The following ROBO2 variants were observed in gnomAD, a reference collection of about 807,000 sequenced individuals.
ROBO2 encodes the protein roundabout guidance receptor 2.
Under a neutral mutation model 160.8 loss-of-function variants are expected in ROBO2, and 53 were observed. The ratio of observed to expected loss-of-function variants is 0.33; its 90% CI spans 0.26 to 0.41. ROBO2 has a LOEUF of 0.41. ROBO2 is among the 10% of genes least tolerant of loss of function. ROBO2 has a pLI of 1.00. For missense variants in ROBO2, 1,577 were observed against 1,722.4 expected (o/e 0.92, Z 1.49); for synonymous variants, 664 against 611.7 (o/e 1.09, Z -1.26).
intron 2 of ROBO2, among the ~76,000 whole-genome samples, chr3:77,383,050 T>G (rs1019507569): frequency 6.6e-6 from 1 of 152,214 alleles, no homozygotes; most frequent in Non-Finnish European, 1.5e-5. Context: ...CTAGGAAGCA[T>G]AAAATAGAAA....
intron 2 of ROBO2, among the ~76,000 whole-genome samples, chr3:76,442,850 A>G (rs2076988311): frequency 6.6e-6 from 1 of 152,184 alleles, no homozygotes; most frequent in Non-Finnish European, 1.5e-5. Flanking sequence ...TTTACTAATA[A>G]TAACTGAATT....
In ROBO2 at chr3:77,011,042, T is replaced by TTGTC. The variant is rs1553726560; in HGVS notation, c.110-86971_110-86970insGTCT. Among the ~76,000 whole-genome samples, 652 of 106,950 alleles carry TTGTC rather than the reference T, an allele frequency of 6.1e-3. 10 individuals carry two copies. The highest frequency in any genetic ancestry group is 0.02 in the African/African-American group (585 of 29,190). The allele number at this position is 106,950 out of a possible 152,430, so 70.2% of individuals were successfully genotyped here. A position where few individuals can be genotyped will look rare whatever the true frequency, so the allele number is the denominator to read the frequency against. ...TTCTTTCTGTCGGTTCTTTCTTTTCTTTTCTTTCTTTCTTCTTTCTTTCTT... is the reference window on the plus strand; with the variant it reads ...TTCTTTCTGTCGGTTCTTTCTTTTCTTGTCTTTCTTTCTTTCTTCTTTCTTTCTT... On this transcript the variant is annotated intron_variant, in intron 2 of 26. Coordinates refer to the ROBO2 transcript ENST00000487694.
At chr3:76,605,911 G>A (rs1460737681) in intron 2 of ROBO2, among the ~76,000 whole-genome samples, 1 of 152,136 alleles carries the variant, frequency 6.6e-6, no homozygotes, top group East Asian at 1.9e-4. Flanking sequence ...CAGTAGAATG[G>A]AGGTTTTGTG....
At chr3:76,267,576 G>T (rs1475999341) in intron 2 of ROBO2, among the ~76,000 whole-genome samples, 1 of 151,988 alleles carries the variant, frequency 6.6e-6, no homozygotes, top group Non-Finnish European at 1.5e-5. Flanking sequence ...TTAATCACCT[G>T]TGTCATATTT....
At chr3:76,841,100 G>GA (rs984638975) in intron 2 of ROBO2, among the ~76,000 whole-genome samples, 16 of 152,040 alleles carry the variant, frequency 1.1e-4, no homozygotes, top group South Asian at 2.1e-4. Context: ...GTGTGGCTAA[G>GA]AAAAAAGGTC....
intron 1 of ROBO2, among the ~76,000 whole-genome samples, chr3:75,918,065 T>A (rs1490815956): frequency 6.6e-6 from 1 of 152,232 alleles, no homozygotes; most frequent in Non-Finnish European, 1.5e-5. Context: ...ATTTTGGCTG[T>A]TGTTTCCAGT....
chr3:76,770,661 T>C (rs960109728), intron 2 of ROBO2, among the ~76,000 whole-genome samples: 14 of 151,248 alleles, frequency 9.3e-5, no homozygotes, highest in Middle Eastern at 3.4e-3. Context: ...ACAAAGAATG[T>C]AAAGGAGAAA....
intron 2 of ROBO2, among the ~76,000 whole-genome samples, chr3:76,017,960 C>T (rs1323395600): frequency 1.3e-5 from 2 of 151,940 alleles, no homozygotes; most frequent in Non-Finnish European, 2.9e-5. Flanking sequence ...CTGATTAATG[C>T]CATTTAAATA....
chr3:76,318,820 T>A (rs1202725738), intron 2 of ROBO2, among the ~76,000 whole-genome samples: 1 of 152,124 alleles, frequency 6.6e-6, no homozygotes, highest in African/African-American at 2.4e-5. Context: ...TTAGTTATTT[T>A]CACAGGTTTT....
At chr3:77,540,577 G>C (rs551398640) in intron 6 of ROBO2, among the ~76,000 whole-genome samples, 1 of 152,106 alleles carries the variant, frequency 6.6e-6, no homozygotes, top group South Asian at 2.1e-4. Flanking sequence ...GGGGGCAGTG[G>C]GGGCGCGCAG....
intron 2 of ROBO2, among the ~76,000 whole-genome samples, chr3:76,534,012 T>C (rs889340507): frequency 1.3e-5 from 2 of 152,190 alleles, no homozygotes; most frequent in African/African-American, 4.8e-5. Flanking sequence ...ACAGGGGTTA[T>C]AATGGCTGAG....
At chr3:76,033,251 A>G (rs889465871) in intron 2 of ROBO2, among the ~76,000 whole-genome samples, 1 of 152,092 alleles carries the variant, frequency 6.6e-6, no homozygotes. Flanking sequence ...CTTTCTTTAG[A>G]CAATATTACC....
At chr3:77,022,359 G>C (rs1240307312) in intron 2 of ROBO2, among the ~76,000 whole-genome samples, 1 of 152,162 alleles carries the variant, frequency 6.6e-6, no homozygotes, top group Admixed American at 6.5e-5. Flanking sequence ...GACAGAGTGA[G>C]CCTGTGTCTC....
rs577584634 is a variant in ROBO2 at position 76,838,481 on chromosome 3, T to C, written c.110-259533T>C. The stretch of plus-strand genomic sequence containing the variant: ...TTTCAAATTACAAACAAGTCTCGCA[T>C]TGAGGTAGTGTGAAAAGGAAAGGTT... On this transcript the variant is annotated intron_variant, in intron 2 of 26. Coordinates refer to the ROBO2 transcript ENST00000487694. Among the ~76,000 whole-genome samples, 6 of 152,210 alleles carry C rather than the reference T, an allele frequency of 3.9e-5. No homozygotes were observed. In the East Asian group the frequency reaches 9.7e-4, roughly 25 times the overall value.
intron 2 of ROBO2, among the ~76,000 whole-genome samples, chr3:76,431,043 G>T (rs1353349369): frequency 2.0e-5 from 3 of 151,978 alleles, no homozygotes; most frequent in Non-Finnish European, 2.9e-5. Context: ...TTATAAGGGG[G>T]TTTTGTTCAT....
At chr3:77,068,397 G>A (rs1223804646) in intron 1 of ROBO2, among the ~76,000 whole-genome samples, 2 of 152,002 alleles carry the variant, frequency 1.3e-5, no homozygotes, top group Non-Finnish European at 1.5e-5. Context: ...ATTTTATTTT[G>A]ACTCTTTTAA....
At chr3:77,108,993 C>T (rs2073215400) in intron 2 of ROBO2, among the ~76,000 whole-genome samples, 1 of 151,378 alleles carries the variant, frequency 6.6e-6, no homozygotes, top group Admixed American at 6.6e-5. Context: ...GATGGGAGCC[C>T]AAGAGTGTGG....
At chr3:76,832,158 T>A (rs1310089130) in intron 2 of ROBO2, among the ~76,000 whole-genome samples, 1 of 152,198 alleles carries the variant, frequency 6.6e-6, no homozygotes, top group African/African-American at 2.4e-5. Context: ...TACATAAGAA[T>A]GTGAAGAAAT....
At chr3:77,430,732 C>T (rs1347403797) in intron 2 of ROBO2, among the ~76,000 whole-genome samples, 1 of 152,138 alleles carries the variant, frequency 6.6e-6, no homozygotes, top group Non-Finnish European at 1.5e-5. Flanking sequence ...GACTTCCTAA[C>T]CTCCAGAACT....
Sources: allele counts gnomAD v4.1 joint callset (sites outside exome capture counted in the v4.1 genomes callset), GRCh38; gene constraint gnomAD v4.1.1; transcripts MANE v1.5; gene names NCBI Gene and HGNC (gene_info 2026-07-23, HGNC 2026-07-21).